The following HMGB1 variants were observed in gnomAD, a reference collection of about 807,000 sequenced individuals.
The protein encoded by HMGB1 is high mobility group protein B1.
For missense variants in HMGB1, 79 were observed against 253.5 expected, an observed-to-expected ratio of 0.31 and a Z score of 4.67; for synonymous variants, 81 against 84.0, an observed-to-expected ratio of 0.96 and a Z score of 0.19.
In HMGB1 at chr13:30,584,965, T is replaced by C. The variant is rs189758964; in HGVS notation, c.-15+31706A>G. 1.7e-3 allele frequency among the ~76,000 whole-genome samples: 265 copies of C among 152,112 alleles called. 2 individuals are homozygous for C. The highest frequency in any genetic ancestry group is 6.1e-3 in the African/African-American group (254 of 41,478). On this transcript the variant is annotated intron_variant, in intron 1 of 4. Transcript: ENST00000405805. The stretch of plus-strand genomic sequence containing the variant: ...GAATTCGAGACCAGCCTGGCCAACA[T>C]GGCAAAACCCCATCTCTATAAAAAA...
In HMGB1 at chr13:30,464,778, T is replaced by TGTGTGTGTGTGTGTGTGTATGAGAGA. The variant is rs1288647589; in HGVS notation, c.-15+1017_-15+1018insTCTCTCATACACACACACACACACAC. ...CCTTCCCTTTGTGTGTGTGTGTGTG[T>TGTGTGTGTGTGTGTGTGTATGAGAGA]GTGTGTGTGTATGAGAGAGTGTGTG... On this transcript the variant is annotated intron_variant, in intron 1 of 4. Coordinates refer to ENST00000341423, the MANE Select transcript of HMGB1 (RefSeq NM_002128.7). The TGTGTGTGTGTGTGTGTGTATGAGAGA allele has an allele frequency of 1.6e-5, 4 of 245,320 alleles. No homozygotes were observed. The East Asian group carries it at 7.9e-4, about 49-fold the overall frequency. The allele number at this position is 245,320 out of a possible 1,614,324, so 15.2% of individuals were successfully genotyped here. A position where few individuals can be genotyped will look rare whatever the true frequency, so the allele number is the denominator to read the frequency against.
intron 1 of HMGB1, among the ~76,000 whole-genome samples, chr13:30,502,186 C>T (rs1887748545): frequency 2.0e-5 from 3 of 152,116 alleles, no homozygotes; most frequent in Non-Finnish European, 4.4e-5. Context: ...ATTATGTACT[C>T]CACTTGGGTT....
chr13:30,464,447 T>G, intron 1 of HMGB1: 1 of 985,242 alleles, frequency 1.0e-6, no homozygotes, highest in Non-Finnish European at 1.2e-6. Context: ...GCCGTGAAAG[T>G]TGGGGTGACT....
chr13:30,498,707 G>A (rs576695376), intron 1 of HMGB1, among the ~76,000 whole-genome samples: 1 of 150,922 alleles, frequency 6.6e-6, no homozygotes, highest in African/African-American at 2.4e-5. Flanking sequence ...GAGTGCAGTG[G>A]CATGACCTGG....
intron 1 of HMGB1, among the ~76,000 whole-genome samples, chr13:30,556,044 A>C (rs1869672089): frequency 6.6e-6 from 1 of 152,214 alleles, no homozygotes; most frequent in Admixed American, 6.5e-5. Flanking sequence ...CAGCTTTTGG[A>C]AGCTGCTGCC....
At chr13:30,516,390 T>G (rs1209892442) in intron 1 of HMGB1, among the ~76,000 whole-genome samples, 1 of 152,188 alleles carries the variant, frequency 6.6e-6, no homozygotes, top group Non-Finnish European at 1.5e-5. Context: ...GAAAAGTGAT[T>G]TTTAACAACT....
intron 1 of HMGB1, among the ~76,000 whole-genome samples, chr13:30,576,524 T>C (rs572671712): frequency 2.6e-5 from 4 of 152,046 alleles, no homozygotes; most frequent in East Asian, 1.9e-4. Flanking sequence ...TAAAGGTATG[T>C]TATTTCTTAA....
intron 4 of HMGB1, chr13:30,462,244 T>G: frequency 2.4e-6 from 1 of 415,504 alleles, no homozygotes; most frequent in Non-Finnish European, 4.5e-6. Context: ...CCAAGCCATT[T>G]GAAAATGCTC....
intron 1 of HMGB1, among the ~76,000 whole-genome samples, chr13:30,492,003 C>T (rs1214316375): frequency 2.0e-5 from 3 of 151,856 alleles, no homozygotes; most frequent in Non-Finnish European, 4.4e-5. Flanking sequence ...CCCATTTCTA[C>T]TAAACATACA....
At chr13:30,540,676 C>G (rs1317712609) in intron 1 of HMGB1, 1 of 151,980 alleles carries the variant, frequency 6.6e-6, no homozygotes, top group Non-Finnish European at 1.5e-5. Context: ...CCTCTGCCTC[C>G]CGGGTTCAAG....
intron 1 of HMGB1, among the ~76,000 whole-genome samples, chr13:30,507,161 A>T (rs1887888078): frequency 6.6e-6 from 1 of 152,144 alleles, no homozygotes. Flanking sequence ...CTTCCACTAT[A>T]GCTCAAATGC....
rs559769287 is a variant in HMGB1 at position 30,586,109 on chromosome 13, A to G, written c.-15+30562T>C. 2.0e-5 allele frequency among the ~76,000 whole-genome samples: 3 copies of G among 152,282 alleles called. No individual in the cohort carries two copies. In the South Asian group the frequency reaches 6.2e-4, roughly 32 times the overall value. ...GAGACTGGGTCTTGCTCTGTCACCC[A>G]GGCTGGAATGCAGTGATGCCATCAT... On this transcript the variant is annotated intron_variant, in intron 1 of 4. Coordinates refer to the HMGB1 transcript ENST00000405805.
Position 30,460,897 on chromosome 13 carries a change from A to T in HMGB1, c.*460T>A, listed in dbSNP as rs1886281153. The T allele has an allele frequency of 4.1e-6, 3 of 736,660 alleles. No individual in the cohort carries two copies. The highest frequency in any genetic ancestry group is 1.7e-6 in the Non-Finnish European group (1 of 603,014). 45.6% of individuals were successfully genotyped at this position (736,660 alleles called of 1,614,324 possible). A position where few individuals can be genotyped will look rare whatever the true frequency, so the allele number is the denominator to read the frequency against. On this transcript the variant is annotated 3_prime_UTR_variant, in exon 5 of 5. Transcript: ENST00000341423. Reference sequence around the variant, plus strand: ...ACCTATGAAAAGGACAACAATACTAATAAAAAAAATTGTATTTACTTAGAA... The same window carrying T: ...ACCTATGAAAAGGACAACAATACTATTAAAAAAAATTGTATTTACTTAGAA...
At chr13:30,535,762 T>C (rs1458188592) in intron 1 of HMGB1, among the ~76,000 whole-genome samples, 2 of 152,174 alleles carry the variant, frequency 1.3e-5, no homozygotes, top group Non-Finnish European at 2.9e-5. Flanking sequence ...TGGTGCCACA[T>C]GCCTGTTATC....
At chr13:30,468,299 A>G (rs1406231736), upstream of HMGB1, among the ~76,000 whole-genome samples, 2 of 152,216 alleles carry the variant, frequency 1.3e-5, no homozygotes, top group African/African-American at 2.4e-5. Context: ...CTTACTGCCC[A>G]GGCTGGAGTG....
chr13:30,591,097 C>T (rs1032838015), intron 1 of HMGB1, among the ~76,000 whole-genome samples: 1 of 132,404 alleles, frequency 7.6e-6, no homozygotes, highest in Admixed American at 8.6e-5. Context: ...ATGGCATGAT[C>T]TTGGCTCACT....
intron 1 of HMGB1, among the ~76,000 whole-genome samples, chr13:30,560,206 T>C (rs1317184893): frequency 1.3e-5 from 2 of 152,092 alleles, no homozygotes; most frequent in African/African-American, 4.8e-5. Context: ...GGGAAAAAGC[T>C]ACAAAGACAG....
In HMGB1 at chr13:30,609,034, G is replaced by A. The variant is rs574896031; in HGVS notation, c.-15+7637C>T. Among the ~76,000 whole-genome samples, 4 of 139,688 alleles carry A rather than the reference G, an allele frequency of 2.9e-5. No individual in the cohort carries two copies. The East Asian group carries it at 7.7e-4, about 27-fold the overall frequency. 91.6% of individuals were successfully genotyped at this position (139,688 alleles called of 152,430 possible). On this transcript the variant is annotated intron_variant, in intron 1 of 4. Coordinates refer to the HMGB1 transcript ENST00000405805. ...CCCAGCACTTGGGGAGGCCAAGGCG[G>A]GTGGATCACGAGGTCAGGAGATCAA... is the stretch of plus-strand genomic sequence containing the variant.
At chr13:30,552,278 T>C (rs1869462810) in intron 1 of HMGB1, among the ~76,000 whole-genome samples, 2 of 152,236 alleles carry the variant, frequency 1.3e-5, no homozygotes, top group Admixed American at 6.5e-5. Flanking sequence ...TGAGAGTAAG[T>C]TGCAGACATT....
Sources: gnomAD v4.1 joint callset for allele counts (sites outside exome capture counted in the v4.1 genomes callset) on GRCh38, gnomAD v4.1.1 for gene constraint, MANE v1.5 for transcripts, NCBI Gene and HGNC (gene_info 2026-07-23, HGNC 2026-07-21) for gene names.